ZNF273: variants seen among roughly 807,000 people sequenced by gnomAD.
ZNF273 encodes zinc finger protein 273.
ZNF273 carries 11 observed loss-of-function variants against 14.9 expected under a neutral mutation model. The observed-to-expected ratio is 0.74, with a 90% CI of 0.46 to 1.22. ZNF273 has a LOEUF of 1.22. Among genes scored for constraint, ZNF273 ranks in the 50% most tolerant of loss-of-function variants. The pLI is 0.00. For synonymous variants in ZNF273, 199 were observed against 223.9 expected, an observed-to-expected ratio of 0.89 and a Z score of 0.99; for missense variants, 577 against 660.6, an observed-to-expected ratio of 0.87 and a Z score of 1.39.
intron 1 of ZNF273, among the ~76,000 whole-genome samples, chr7:64,916,020 A>G (rs1793952680): frequency 6.6e-6 from 1 of 151,986 alleles, no homozygotes; most frequent in Non-Finnish European, 1.5e-5. Flanking sequence ...ACATGGTGAA[A>G]CCTCGTCTAT....
Position 64,928,330 on chromosome 7 carries a change from T to A in ZNF273, c.1002T>A (p.Thr334=), listed in dbSNP as rs752962691. ...GCTTTAGTATATTCTCAACCCTTACTAAACATAAGATAATTCATACTGGAG... is the reference window on the plus strand; with the variant it reads ...GCTTTAGTATATTCTCAACCCTTACAAAACATAAGATAATTCATACTGGAG... ...GKGFSIFSTL[T]KHKIIHTGEK... The change falls in exon 4 of 4, where the codon ACT becomes ACA. Residue 334 remains threonine (T), a synonymous_variant. Transcript: ENST00000476120. 1.9e-6 allele frequency: 3 copies of A among 1,613,722 alleles called. No individual in the cohort carries two copies. Among genetic ancestry groups the A allele is most frequent in the Non-Finnish European group, 2.5e-6 (3 of 1,179,836 alleles).
intron 3 of ZNF273, among the ~76,000 whole-genome samples, chr7:64,918,868 A>T (rs1022104035): frequency 6.6e-6 from 1 of 152,108 alleles, no homozygotes; most frequent in Non-Finnish European, 1.5e-5. Context: ...TATTCCTGGC[A>T]TATAGGAAAC....
chr7:64,926,240 T>G (rs948637803), intron 3 of ZNF273, among the ~76,000 whole-genome samples: 3 of 149,320 alleles, frequency 2.0e-5, no homozygotes, highest in Non-Finnish European at 4.5e-5. Context: ...GGTTTTCTCA[T>G]AAGACTATCC....
chr7:64,908,042 A>C (rs10265110), intron 1 of ZNF273, among the ~76,000 whole-genome samples: 6,381 of 152,304 alleles, frequency 0.042, 158 homozygotes, highest in Middle Eastern at 0.082. Context: ...CCAAAAATCC[A>C]CAAAAGTGTC....
At chr7:64,882,554 C>A (rs1342572819), downstream of ZNF273, 2 of 152,246 alleles carry the variant, frequency 1.3e-5, no homozygotes, top group African/African-American at 4.8e-5. Flanking sequence ...TCACAGTGAA[C>A]GCCTTCGTTG....
chr7:64,878,243 G>T (rs1791165939), intron 1 of ZNF273: 1 of 152,034 alleles, frequency 6.6e-6, no homozygotes, highest in South Asian at 2.1e-4. Flanking sequence ...GACACCAGGG[G>T]TTCAAATCAC....
the ZNF273 span, among the ~76,000 whole-genome samples, chr7:64,936,047 G>T: frequency 6.6e-6 from 1 of 152,144 alleles, no homozygotes; most frequent in Non-Finnish European, 1.5e-5. Flanking sequence ...AACTTGAAGG[G>T]AGAATTCTTC....
rs114855665 is a variant in ZNF273 at position 64,910,626 on chromosome 7, C to T, written c.103-6955C>T. Among the ~76,000 whole-genome samples, 230 of 151,450 alleles carry T rather than the reference C, an allele frequency of 1.5e-3. 1 individual carries two copies. Among genetic ancestry groups the T allele is most frequent in the African/African-American group, 5.2e-3 (217 of 41,422 alleles). On this transcript the variant is annotated intron_variant, in intron 1 of 3. Transcript: ENST00000476120. ...TTGAAGTCTGGTAATGTAATGACTC[C>T]AGCTTTGTTCTTTTTGCTTAAGATT...
downstream of ZNF273, among the ~76,000 whole-genome samples, chr7:64,884,669 T>A (rs185336980): frequency 6.6e-6 from 1 of 152,262 alleles, no homozygotes; most frequent in African/African-American, 2.4e-5. Context: ...TCAGGTATGA[T>A]TCCATCACCC....
intron 3 of ZNF273, among the ~76,000 whole-genome samples, chr7:64,924,889 G>A (rs568285177): frequency 2.6e-4 from 40 of 151,058 alleles, no homozygotes; most frequent in South Asian, 2.1e-3. Context: ...TGCAACTTCC[G>A]CCTCCCAGGT....
chr7:64,885,700 A>T (rs1274294076), intron 1 of ZNF273, among the ~76,000 whole-genome samples: 1 of 152,162 alleles, frequency 6.6e-6, no homozygotes, highest in African/African-American at 2.4e-5. Context: ...TGCAGGAGGG[A>T]CAGGGTCACA....
intron 1 of ZNF273, chr7:64,917,181 C>A: frequency 9.6e-7 from 1 of 1,041,478 alleles, no homozygotes; most frequent in Non-Finnish European, 1.3e-6. Flanking sequence ...AGAAAATCTG[C>A]ATAACAAGAT....
downstream of ZNF273, among the ~76,000 whole-genome samples, chr7:64,931,569 A>G (rs547397502): frequency 6.6e-6 from 1 of 152,240 alleles, no homozygotes; most frequent in East Asian, 1.9e-4. Flanking sequence ...TGTTCTTTTA[A>G]TTGGAGAACC....
At chr7:64,923,774 AT>A (rs1328112329) in intron 3 of ZNF273, 4 of 168,100 alleles carry the variant, frequency 2.4e-5, no homozygotes, top group African/African-American at 9.6e-5. Flanking sequence ...ATATGACCAC[AT>A]ATGTGAAAGT....
At position 64,917,046 on chromosome 7, in the gene ZNF273, A is replaced by T. The variant is rs527981037; in HGVS notation, c.103-535A>T. 6.8e-4 allele frequency: 871 copies of T among 1,283,452 alleles called. 3 individuals carry two copies. The highest frequency in any genetic ancestry group is 7.7e-4 in the Non-Finnish European group (764 of 987,576). 79.5% of individuals were successfully genotyped at this position (1,283,452 alleles called of 1,614,324 possible). A position where few individuals can be genotyped will look rare whatever the true frequency, so the allele number is the denominator to read the frequency against. On this transcript the variant is annotated intron_variant, in intron 1 of 3. Transcript: ENST00000476120. ...TGTTTACAGGCCAGAAAAACTGGGA[A>T]AATCACAGGCTCTTCCACTTACTGG...
chr7:64,910,762 A>ATTTTT (rs34345525), intron 1 of ZNF273, among the ~76,000 whole-genome samples: 1 of 100,528 alleles, frequency 9.9e-6, no homozygotes, highest in Non-Finnish European at 2.0e-5. Flanking sequence ...TAAATCTGTA[A>ATTTTT]TTTATTTTTT....
chr7:64,894,406 T>C (rs1485730875), downstream of ZNF273, among the ~76,000 whole-genome samples: 4 of 152,334 alleles, frequency 2.6e-5, no homozygotes, highest in African/African-American at 7.2e-5. Context: ...TTATTATGTT[T>C]TAGGTAATCT....
chr7:64,928,411 TA>T lies in ZNF273; in HGVS notation c.1084del (p.Thr362LeufsTer33). Reference protein sequence around the residue: ...GKAFNWSSTLTKHKRIHTGEK... With the variant: ...GKAFNWSSTLXKHKRIHTGEK... ...AAGCCTTTAACTGGTCCTCAACTCT[TA>T]CTAAACATAAGAGAATTCATACTGG... On this transcript the variant is annotated frameshift_variant, in exon 4 of 4. Transcript: ENST00000476120. LOFTEE classifies it high-confidence loss of function. 1 of 1,612,854 alleles carries T rather than the reference TA, an allele frequency of 6.2e-7. No individual in the cohort carries two copies. Among genetic ancestry groups the T allele is most frequent in the East Asian group, 2.2e-5 (1 of 44,772 alleles).
chr7:64,933,054 C>CCTA (rs2129111053), downstream of ZNF273, among the ~76,000 whole-genome samples: 1 of 152,162 alleles, frequency 6.6e-6, no homozygotes, highest in South Asian at 2.1e-4. Context: ...TCACTGCAAC[C>CCTA]TTCGCCTCCC....
Sources: allele counts gnomAD v4.1 joint callset (sites outside exome capture counted in the v4.1 genomes callset), GRCh38; gene constraint gnomAD v4.1.1; transcripts MANE v1.5; gene names NCBI Gene and HGNC (gene_info 2026-07-23, HGNC 2026-07-21).